Variants in PRUNE2 observed in about 807,000 individuals in gnomAD.
PRUNE2 encodes the protein prune homolog 2 with BCH domain.
PRUNE2 carries 164 observed loss-of-function variants against 252.0 expected under a neutral mutation model. The observed-to-expected ratio is 0.65, with a 90% CI of 0.57 to 0.74. PRUNE2 has a LOEUF of 0.74. Among genes scored for constraint, PRUNE2 ranks in the 30% least tolerant of loss-of-function variants. The pLI is 0.00. For synonymous variants in PRUNE2, 1,292 were observed against 1,350.2 expected, an observed-to-expected ratio of 0.96 and a Z score of 0.94; for missense variants, 3,495 against 3,711.0, an observed-to-expected ratio of 0.94 and a Z score of 1.51.
chr9:76,786,917 C>T (rs1200237012), intron 6 of PRUNE2: 1 of 152,244 alleles, frequency 6.6e-6, no homozygotes, highest in Non-Finnish European at 1.5e-5. Flanking sequence ...GCATGCAAGA[C>T]TGCTGAAGCC....
At chr9:76,659,533 G>A (rs908436946) in intron 9 of PRUNE2, among the ~76,000 whole-genome samples, 31 of 152,112 alleles carry the variant, frequency 2.0e-4, no homozygotes, top group African/African-American at 7.2e-4. Context: ...ATTTTATTAA[G>A]GTTATTTTGA....
chr9:76,679,099 T>C (rs552628430), intron 9 of PRUNE2, among the ~76,000 whole-genome samples: 29 of 152,318 alleles, frequency 1.9e-4, no homozygotes, highest in Non-Finnish European at 4.0e-4. Flanking sequence ...AGAATTTCTA[T>C]ATGCCTCAGT....
chr9:76,771,520 A>T (rs1361737032), intron 6 of PRUNE2, among the ~76,000 whole-genome samples: 1 of 152,208 alleles, frequency 6.6e-6, no homozygotes, highest in Non-Finnish European at 1.5e-5. Flanking sequence ...AATGAGGAAG[A>T]CTACGGTGAG....
intron 9 of PRUNE2, among the ~76,000 whole-genome samples, chr9:76,669,232 C>T (rs2040824581): frequency 6.6e-6 from 1 of 152,092 alleles, no homozygotes; most frequent in African/African-American, 2.4e-5. Flanking sequence ...CACCTTGTCC[C>T]TCCACACAGT....
chr9:76,823,832 C>T (rs929552388), intron 5 of PRUNE2, 106 bp from the exon 6 acceptor site: 7 of 681,636 alleles, frequency 1.0e-5, no homozygotes, highest in African/African-American at 9.0e-5. Context: ...TCATTCTTTG[C>T]CCCTCAAATG....
At chr9:76,901,477 T>G (rs1054958060) in intron 1 of PRUNE2, among the ~76,000 whole-genome samples, 2 of 152,194 alleles carry the variant, frequency 1.3e-5, no homozygotes, top group Admixed American at 6.5e-5. Flanking sequence ...ACAGCAGCCC[T>G]TTAAAAGGTA....
chr9:76,846,109 T>C (rs1196984862), intron 4 of PRUNE2, among the ~76,000 whole-genome samples: 1 of 152,142 alleles, frequency 6.6e-6, no homozygotes, highest in Non-Finnish European at 1.5e-5. Context: ...ATCCAAACAG[T>C]ATGGTATAAA....
At chr9:76,788,559 A>G (rs1191238464) in intron 6 of PRUNE2, 1 of 716,402 alleles carries the variant, frequency 1.4e-6, no homozygotes, top group Non-Finnish European at 2.6e-6. Flanking sequence ...TGTTGACAAC[A>G]ATGACAGTGT....
intron 1 of PRUNE2, among the ~76,000 whole-genome samples, chr9:76,900,308 T>G (rs114211016): frequency 0.012 from 1,901 of 152,302 alleles, 51 homozygotes; most frequent in African/African-American, 0.044. Context: ...AAACCAAAGC[T>G]GTGTTTATCA....
chr9:76,694,556 A>G (rs1378006450), intron 9 of PRUNE2, among the ~76,000 whole-genome samples: 1 of 152,198 alleles, frequency 6.6e-6, no homozygotes, highest in Non-Finnish European at 1.5e-5. Context: ...AGTTATTGTC[A>G]TCAGGCCAAT....
Position 76,698,349 on chromosome 9 carries a change from G to A in PRUNE2, c.8276+4988C>T, listed in dbSNP as rs527741599. 2.6e-5 allele frequency among the ~76,000 whole-genome samples: 4 copies of A among 152,276 alleles called. No individual in the cohort carries two copies. In the South Asian group the frequency reaches 8.3e-4, roughly 32 times the overall value. ...GGCGTGAGCCACCGTGCCCGGCAAA[G>A]GACTTTTAATGATACTTATCACCAC... is the stretch of plus-strand genomic sequence containing the variant. On this transcript the variant is annotated intron_variant, in intron 9 of 18. Coordinates refer to ENST00000376718, the MANE Select transcript of PRUNE2 (RefSeq NM_015225.3).
intron 1 of PRUNE2, among the ~76,000 whole-genome samples, chr9:76,872,813 G>A (rs780751569): frequency 7.2e-5 from 11 of 152,146 alleles, no homozygotes; most frequent in Non-Finnish European, 1.2e-4. Context: ...ATTATTGAAG[G>A]TAAGTGTTAT....
chr9:76,880,741 T>C (rs953396188), intron 1 of PRUNE2, among the ~76,000 whole-genome samples: 7 of 152,200 alleles, frequency 4.6e-5, no homozygotes, highest in African/African-American at 1.7e-4. Flanking sequence ...GTGCGATTAT[T>C]TGAATTGTGA....
At chr9:76,752,246 C>A (rs941729939) in intron 6 of PRUNE2, among the ~76,000 whole-genome samples, 1 of 152,028 alleles carries the variant, frequency 6.6e-6, no homozygotes, top group Admixed American at 6.6e-5. Flanking sequence ...TACAGGTGCC[C>A]GCCACCACAC....
intron 2 of PRUNE2, among the ~76,000 whole-genome samples, chr9:76,853,493 T>C (rs2060078468): frequency 6.6e-6 from 1 of 152,230 alleles, no homozygotes; most frequent in Non-Finnish European, 1.5e-5. Context: ...AAAGGTATTT[T>C]CCACTTCCAC....
intron 11 of PRUNE2, 114 bp downstream of exon 11, chr9:76,652,369 C>T (rs1203080811): frequency 1.3e-6 from 1 of 749,990 alleles, no homozygotes; most frequent in Non-Finnish European, 2.2e-6. Flanking sequence ...GAAATAAAAA[C>T]AGAAGCTTCT....
chr9:76,693,678 G>A (rs1325040885), intron 9 of PRUNE2, among the ~76,000 whole-genome samples: 2 of 151,950 alleles, frequency 1.3e-5, no homozygotes, highest in Non-Finnish European at 2.9e-5. Flanking sequence ...TCCTGACCTC[G>A]TGATCCACCC....
chr9:76,850,342 C>CTG, intron 3 of PRUNE2, 121 bp downstream of exon 3: 1 of 765,894 alleles, frequency 1.3e-6, no homozygotes. Context: ...CCACCATGAC[C>CTG]AGCATGTCCT....
In PRUNE2 at chr9:76,708,138, T is replaced by A. The variant is rs1369389256; in HGVS notation, c.4136A>T (p.Lys1379Ile). ...VASEHQEICI[K>I]SGKISSLAVT... ...AGCAAGAGAGCTGATTTTGCCTGAT[T>A]TAATGCAGATTTCCTGATGTTCAGA... The change falls in exon 8 of 19, where the codon AAA becomes ATA. Residue 1379 changes from lysine to isoleucine, a missense_variant. Transcript: ENST00000376718. 6.2e-7 allele frequency: 1 copy of A among 1,613,962 alleles called. No homozygotes were observed. The highest frequency in any genetic ancestry group is 1.3e-5 in the African/African-American group (1 of 75,024).
Sources: allele counts gnomAD v4.1 joint callset (sites outside exome capture counted in the v4.1 genomes callset), GRCh38; gene constraint gnomAD v4.1.1; transcripts MANE v1.5; gene names NCBI Gene and HGNC (gene_info 2026-07-23, HGNC 2026-07-21).